The following NEK9 variants were observed in gnomAD, a reference collection of about 807,000 sequenced individuals.
NEK9 encodes serine/threonine-protein kinase Nek9.
NEK9 carries 75 observed loss-of-function variants against 123.4 expected under a neutral mutation model. The ratio of observed to expected loss-of-function variants is 0.61; its 90% CI spans 0.50 to 0.74. NEK9 has a LOEUF of 0.74. Ranked by LOEUF, NEK9 falls within the 30% of genes least tolerant of loss-of-function variation. The pLI is 0.00. For missense variants in NEK9, 952 were observed against 1,214.4 expected, an observed-to-expected ratio of 0.78 and a Z score of 3.21; for synonymous variants, 438 against 458.7, an observed-to-expected ratio of 0.95 and a Z score of 0.58.
In NEK9 at chr14:75,088,558, G is replaced by A; in HGVS notation, c.2526C>T (p.Thr842=). ...SAAFSESEKD[T]LPYEELQGLK... ...GTCCTTGCAGCTCTTCATAGGGCAG[G>A]GTATCTTTCTCAGATTCTGAAAACG... Residue 842 remains threonine (T), a synonymous_variant, in exon 20 of 22, where the codon ACC becomes ACT. Coordinates refer to ENST00000238616, the MANE Select transcript of NEK9 (RefSeq NM_033116.6). The A allele has an allele frequency of 6.2e-7, 1 of 1,613,914 alleles. No homozygotes were observed. Among genetic ancestry groups the A allele is most frequent in the Non-Finnish European group, 8.5e-7 (1 of 1,179,960 alleles).
At position 75,107,338 on chromosome 14, in the gene NEK9, C is replaced by T. The variant is rs371887852; in HGVS notation, c.1327+5G>A. The T allele has an allele frequency of 1.9e-6, 3 of 1,611,516 alleles. No individual in the cohort carries two copies. Among genetic ancestry groups the T allele is most frequent in the Non-Finnish European group, 2.5e-6 (3 of 1,179,102 alleles). On this transcript the variant is annotated splice_donor_5th_base_variant and intron_variant, in intron 11 of 21. Transcript: ENST00000238616. Reference sequence around the variant, plus strand: ...CACTTAAGACACTTTCTGCTGATGGCTTACCAGTCACACAGACAGTGAAAT... The same window carrying T: ...CACTTAAGACACTTTCTGCTGATGGTTTACCAGTCACACAGACAGTGAAAT...
At chr14:75,124,708 C>G (rs1404534917) in intron 1 of NEK9, among the ~76,000 whole-genome samples, 1 of 151,244 alleles carries the variant, frequency 6.6e-6, no homozygotes, top group Non-Finnish European at 1.5e-5. Flanking sequence ...GAAGTCATGA[C>G]CCCTTTTGCA....
intron 14 of NEK9, among the ~76,000 whole-genome samples, chr14:75,102,426 C>T (rs1031213022): frequency 1.3e-5 from 2 of 152,184 alleles, no homozygotes; most frequent in East Asian, 3.9e-4. Context: ...CGGCTCACTG[C>T]AAGCCCCGCC....
chr14:75,088,635 C>T lies in NEK9; in HGVS notation c.2449G>A (p.Glu817Lys). The T allele has an allele frequency of 6.2e-7, 1 of 1,613,486 alleles. No individual in the cohort carries two copies. The highest frequency in any genetic ancestry group is 2.2e-5 in the East Asian group (1 of 44,878). ...SCPGWLRKEL[E>K]NAEFIPMPDS... ...GGCATGGGGATAAATTCTGCATTTT[C>T]CAGCTCCTATGTATATGAGAAAGAA... The change falls in exon 20 of 22, where the codon GAA (glutamate) becomes AAA (lysine). Residue 817 changes from glutamate to lysine, a missense_variant. Around this residue, in one of 4 missense-constraint regions of NEK9, gnomAD observed 698 missense variants for 875.6 expected, o/e 0.80. Transcript: ENST00000238616.
intron 4 of NEK9, among the ~76,000 whole-genome samples, chr14:75,119,636 AAC>A (rs1216735937): frequency 6.6e-6 from 1 of 152,242 alleles, no homozygotes; most frequent in Non-Finnish European, 1.5e-5. Context: ...AGGCAACTTT[AAC>A]AAACTTGGTT....
At chr14:75,090,277 CTTTTTTTTTT>C (rs543579822) in intron 19 of NEK9, among the ~76,000 whole-genome samples, 1 of 118,868 alleles carries the variant, frequency 8.4e-6, no homozygotes, top group Non-Finnish European at 1.8e-5. Context: ...CATGCTCGGT[CTTTTTTTTTT>C]TTTTTTTGGT....
Position 75,088,655 on chromosome 14 carries a change from A to G in NEK9, c.2443-14T>C. The stretch of plus-strand genomic sequence containing the variant: ...ATTTTCCAGCTCCTATGTATATGAG[A>G]AAGAATCTCATTAGTCTGTTTGCAG... On this transcript the variant is annotated splice_polypyrimidine_tract_variant and intron_variant, in intron 19 of 21. Transcript: ENST00000238616. 1 of 1,609,474 alleles carries G rather than the reference A, an allele frequency of 6.2e-7. No individual in the cohort carries two copies. The highest frequency in any genetic ancestry group is 8.5e-7 in the Non-Finnish European group (1 of 1,177,758).
intron 14 of NEK9, among the ~76,000 whole-genome samples, chr14:75,102,213 A>G (rs970964347): frequency 6.6e-6 from 1 of 152,222 alleles, no homozygotes; most frequent in Non-Finnish European, 1.5e-5. Flanking sequence ...CAACTTAATT[A>G]AAACTCATGT....
intron 3 of NEK9, 112 bp from the exon 4 acceptor site, chr14:75,120,692 A>G (rs1895300782): frequency 1.2e-6 from 1 of 814,582 alleles, no homozygotes; most frequent in South Asian, 1.7e-5. Flanking sequence ...GTTATGATTC[A>G]ACATGACTTG....
intron 6 of NEK9, chr14:75,116,351 T>A (rs1434679889): frequency 1.2e-5 from 2 of 161,210 alleles, no homozygotes; most frequent in Non-Finnish European, 2.8e-5. Flanking sequence ...GCGGGATGAC[T>A]GCTGGAGCAC....
chr14:75,090,190 C>G (rs1894168512), intron 19 of NEK9, among the ~76,000 whole-genome samples: 1 of 150,684 alleles, frequency 6.6e-6, no homozygotes, highest in Non-Finnish European at 1.5e-5. Context: ...GTTGTCTAGG[C>G]TGGTCTCAAA....
At chr14:75,102,856 C>T (rs10162551) in intron 14 of NEK9, among the ~76,000 whole-genome samples, 4,153 of 152,058 alleles carry the variant, frequency 0.027, 220 homozygotes, top group African/African-American at 0.095. Context: ...GAAACTAAGA[C>T]GCAGCCATAA....
At chr14:75,113,530 C>G in intron 7 of NEK9, 127 bp from the exon 8 acceptor site, 1 of 666,974 alleles carries the variant, frequency 1.5e-6, no homozygotes, top group South Asian at 1.9e-5. Context: ...ATGTGATACT[C>G]CATATTTTAT....
At chr14:75,100,630 C>T (rs1894544594) in intron 16 of NEK9, among the ~76,000 whole-genome samples, 1 of 152,208 alleles carries the variant, frequency 6.6e-6, no homozygotes. Flanking sequence ...ATATGCTGTT[C>T]TCTCCAGCTA....
At position 75,092,533 on chromosome 14, in the gene NEK9, C is replaced by T. The variant is rs183677227; in HGVS notation, c.2234-1055G>A. ...CCACCCGCCTCGGCCTCCCAAAGTG[C>T]TGGGATTACAGGCGTCAGCCACTGC... is the stretch of plus-strand genomic sequence containing the variant. On this transcript the variant is annotated intron_variant, in intron 18 of 21. Coordinates refer to ENST00000238616, the MANE Select transcript of NEK9 (RefSeq NM_033116.6). Among the ~76,000 whole-genome samples, 599 of 152,358 alleles carry T rather than the reference C, an allele frequency of 3.9e-3. 3 individuals are homozygous for T. Among genetic ancestry groups the T allele is most frequent in the Non-Finnish European group, 5.2e-3 (351 of 68,030 alleles).
At chr14:75,102,641 C>T (rs190600807) in intron 14 of NEK9, among the ~76,000 whole-genome samples, 54 of 152,262 alleles carry the variant, frequency 3.5e-4, no homozygotes, top group African/African-American at 1.2e-3. Context: ...CGTGAGCCAC[C>T]GTGCCCGGCA....
rs1035599047 is a variant in NEK9, at chr14:75,104,054, A to C, written c.1576-57T>G. ...AAATATATAATTCGTATTAGAAAAA[A>C]AGCTCTCAAATTCTTTCAAAAGAGA... On this transcript the variant is annotated intron_variant, in intron 13 of 21. Transcript: ENST00000238616. 36 of 1,515,950 alleles carry C rather than the reference A, an allele frequency of 2.4e-5. 1 individual carries two copies. In the South Asian group the frequency reaches 4.5e-4, roughly 19 times the overall value. The allele number at this position is 1,515,950 out of a possible 1,614,324, so 93.9% of individuals were successfully genotyped here. A position where few individuals can be genotyped will look rare whatever the true frequency, so the allele number is the denominator to read the frequency against.
intron 18 of NEK9, among the ~76,000 whole-genome samples, chr14:75,093,120 C>T (rs909181029): frequency 6.6e-6 from 1 of 152,196 alleles, no homozygotes; most frequent in Admixed American, 6.5e-5. Context: ...ATATGAGTTA[C>T]TAGCCATATG....
rs781536914 is a variant in NEK9 at position 75,103,958 on chromosome 14, A to G, written c.1615T>C (p.Cys539Arg). 2 of 1,614,054 alleles carry G rather than the reference A, an allele frequency of 1.2e-6. No homozygotes were observed. Among genetic ancestry groups the G allele is most frequent in the Non-Finnish European group, 1.7e-6 (2 of 1,180,024 alleles). ...AACAGAAATGTCCCATCACAGCCAC[A>G]TTGAACTGCAACAATAATCAAGGCC... ...PKALIIVAVQ[C>R]GCDGTFLLTQ... Residue 539 changes from cysteine to arginine, a missense_variant, in exon 14 of 22, where the codon TGT becomes CGT. By Grantham distance (180) the Cys-to-Arg change is radical. Coordinates refer to ENST00000238616, the MANE Select transcript of NEK9 (RefSeq NM_033116.6).
Sources: allele counts gnomAD v4.1 joint callset (sites outside exome capture counted in the v4.1 genomes callset), GRCh38; gene constraint gnomAD v4.1.1; regional missense constraint gnomAD v4.1.1; transcripts MANE v1.5; gene names NCBI Gene and HGNC (gene_info 2026-07-23, HGNC 2026-07-21).